Variants in TASOR2 observed in about 807,000 individuals in gnomAD.
The protein encoded by TASOR2 is protein TASOR 2.
Under a neutral mutation model 199.5 loss-of-function variants are expected in TASOR2, and 84 were observed. The ratio of observed to expected loss-of-function variants is 0.42; its 90% CI spans 0.35 to 0.50. The LOEUF (loss-of-function observed/expected upper bound fraction) is 0.50. TASOR2 is among the 20% of genes least tolerant of loss of function. The probability of loss-of-function intolerance (pLI) is 0.02; values close to 1 mark genes in which losing one functional copy is unlikely to be tolerated. For synonymous variants in TASOR2, 1,103 were observed against 1,046.6 expected, an observed-to-expected ratio of 1.05 and a Z score of -1.04; for missense variants, 2,796 against 2,835.9, an observed-to-expected ratio of 0.99 and a Z score of 0.32.
In TASOR2 at chr10:5,706,801, G is replaced by A. The variant is rs139930613; in HGVS notation, c.-287-6022G>A. Among the ~76,000 whole-genome samples, 59 of 152,158 alleles carry A rather than the reference G, an allele frequency of 3.9e-4. No individual in the cohort carries two copies. The South Asian group carries it at 4.0e-3, about 10-fold the overall frequency. On this transcript the variant is annotated intron_variant, in intron 1 of 20. Coordinates refer to ENST00000328090, the Ensembl canonical transcript of TASOR2. This position sits in a 1 kb window ranked among gnomAD's most constrained non-coding sequence, Gnocchi z 4.8. Reference sequence around the variant, plus strand: ...GCAGATCACTTGAGGCCAGGAGTTCGAGACCAACCTGGCTAACATGGTGAA... The same window carrying A: ...GCAGATCACTTGAGGCCAGGAGTTCAAGACCAACCTGGCTAACATGGTGAA...
In TASOR2 at chr10:5,690,966, G is replaced by A. The variant is rs1229495527; in HGVS notation, c.-288+5791G>A. 6.6e-6 allele frequency among the ~76,000 whole-genome samples: 1 copy of A among 152,118 alleles called. No individual in the cohort carries two copies. The highest frequency in any genetic ancestry group is 1.5e-5 in the Non-Finnish European group (1 of 68,030). On this transcript the variant is annotated intron_variant, in intron 1 of 20. Coordinates refer to ENST00000328090, the Ensembl canonical transcript of TASOR2. This position sits in a 1 kb window ranked among gnomAD's most constrained non-coding sequence, Gnocchi z 4.8. ...CCAGCACTTTGGGAGGCCGAGGTGG[G>A]TGGATCACAAGGTCAGGAGATCGAG...
chr10:5,739,844 C>G (rs780727552), exon 13 of TASOR2: 4 of 1,614,222 alleles, frequency 2.5e-6, no homozygotes, highest in South Asian at 1.1e-5. Context: ...GAAATCTTCA[C>G]TGTTCCTCTG....
chr10:5,715,334 A>G (rs558637446), intron 2 of TASOR2, among the ~76,000 whole-genome samples: 79 of 151,976 alleles, frequency 5.2e-4, no homozygotes, highest in African/African-American at 1.8e-3. Context: ...AGTCAATTTT[A>G]GACCATTTTT....
chr10:5,731,125 T>G lies in TASOR2; in HGVS notation c.1126T>G (p.Ser376Ala), dbSNP rs747933063. The change falls in exon 11 of 21, where the codon TCC (serine) becomes GCC (alanine). Residue 376 changes from serine (S) to alanine (A), a missense_variant. This residue lies in a region of TASOR2 where 847 missense variants were observed against 887.4 expected (regional missense o/e 0.95). Coordinates refer to ENST00000328090, the Ensembl canonical transcript of TASOR2. ...CCGCCCCTTTCCCAAAAGAACTGCT[T>G]CCAGAGCAGACAACAGCTCGGACTC... The G allele has an allele frequency of 3.1e-6, 5 of 1,612,702 alleles. No individual in the cohort carries two copies. The Admixed American group carries it at 8.3e-5, about 27-fold the overall frequency.
Position 5,740,605 on chromosome 10 carries a change from T to A in TASOR2, c.2327+108T>A. 4 of 1,209,082 alleles carry A rather than the reference T, an allele frequency of 3.3e-6. No homozygotes were observed. The highest frequency in any genetic ancestry group is 4.6e-6 in the Non-Finnish European group (4 of 873,274). 74.9% of individuals were successfully genotyped at this position (1,209,082 alleles called of 1,614,324 possible). A position where few individuals can be genotyped will look rare whatever the true frequency, so the allele number is the denominator to read the frequency against. On this transcript the variant is annotated intron_variant, in intron 13 of 20. Transcript: ENST00000328090. The surrounding 1 kb of genome is among the most constrained non-coding windows in gnomAD (Gnocchi z 5.3). Reference sequence around the variant, plus strand: ...ACTCTGGAGAAGGAGAAAGAAGTGTTGTGTTTAAAACCAGTAATTTGATAA... The same window carrying A: ...ACTCTGGAGAAGGAGAAAGAAGTGTAGTGTTTAAAACCAGTAATTTGATAA...
chr10:5,753,285 C>T (rs1373435272), intron 15 of TASOR2, among the ~76,000 whole-genome samples: 3 of 152,174 alleles, frequency 2.0e-5, no homozygotes, highest in Non-Finnish European at 4.4e-5. Context: ...TTTCTTCAAA[C>T]TTGTGGAAGC....
At chr10:5,695,310 A>G (rs1194791632) in intron 1 of TASOR2, among the ~76,000 whole-genome samples, 1 of 152,262 alleles carries the variant, frequency 6.6e-6, no homozygotes, top group East Asian at 1.9e-4. Context: ...ATGTAATTAT[A>G]AATCATGCAA....
chr10:5,736,345 G>T (rs573487163), intron 12 of TASOR2, among the ~76,000 whole-genome samples: 3 of 152,048 alleles, frequency 2.0e-5, no homozygotes, highest in Non-Finnish European at 4.4e-5. Flanking sequence ...TTGAACCTGG[G>T]GGGCAGAGGT....
At position 5,685,979 on chromosome 10, in the gene TASOR2, A is replaced by C. The variant is rs1835766113; in HGVS notation, c.-288+804A>C. Among the ~76,000 whole-genome samples the C allele has an allele frequency of 6.6e-6, 1 of 152,216 alleles. No individual in the cohort carries two copies. Among genetic ancestry groups the C allele is most frequent in the South Asian group, 2.1e-4 (1 of 4,830 alleles). ...TGGCATTCGCGATCCTAGAGTCTACAGTGTTCCCTGAATAAAACTAGGGGT... is the reference window on the plus strand; with the variant it reads ...TGGCATTCGCGATCCTAGAGTCTACCGTGTTCCCTGAATAAAACTAGGGGT... On this transcript the variant is annotated intron_variant, in intron 1 of 20. Transcript: ENST00000328090. The surrounding 1 kb of genome is among the most constrained non-coding windows in gnomAD (Gnocchi z 5.4).
At chr10:5,712,781 T>A (rs2131550515) in intron 1 of TASOR2, 42 bp from the exon 2 acceptor site, 1 of 1,028,480 alleles carries the variant, frequency 9.7e-7, no homozygotes. Flanking sequence ...GACAAAATAG[T>A]ATGTTTATAG....
intron 15 of TASOR2, among the ~76,000 whole-genome samples, chr10:5,755,851 GC>G (rs1382732446): frequency 6.6e-6 from 1 of 152,020 alleles, no homozygotes; most frequent in Non-Finnish European, 1.5e-5. Flanking sequence ...AAAAAGCCGG[GC>G]CCAGTGATGT....
intron 11 of TASOR2, among the ~76,000 whole-genome samples, chr10:5,733,401 G>C (rs1835124190): frequency 6.6e-6 from 1 of 152,142 alleles, no homozygotes; most frequent in South Asian, 2.1e-4. Flanking sequence ...CCAGCAACTT[G>C]GGAGGCTGAG....
Position 5,720,345 on chromosome 10 carries a change from C to T in TASOR2, c.-99-199C>T. 1.0e-6 allele frequency: 1 copy of T among 985,378 alleles called. No homozygotes were observed. Among genetic ancestry groups the T allele is most frequent in the Non-Finnish European group, 1.2e-6 (1 of 829,902 alleles). The allele number at this position is 985,378 out of a possible 1,614,324, so 61.0% of individuals were successfully genotyped here. A position where few individuals can be genotyped will look rare whatever the true frequency, so the allele number is the denominator to read the frequency against. On this transcript the variant is annotated intron_variant, in intron 3 of 20. Transcript: ENST00000328090. The surrounding 1 kb of genome is among the most constrained non-coding windows in gnomAD (Gnocchi z 5.3). Reference sequence around the variant, plus strand: ...TATGATTGCCACGTGTCTGAAAATACTAACAAGGTTTCTAACAAGACGAGT... The same window carrying T: ...TATGATTGCCACGTGTCTGAAAATATTAACAAGGTTTCTAACAAGACGAGT...
Position 5,748,250 on chromosome 10 carries a change from G to T in TASOR2, c.4829G>T (p.Ser1610Ile), listed in dbSNP as rs1387157068. Reference sequence around the variant, plus strand: ...AATGTGTCAGTAAAACAGCAGACTAGCCCTAAAAGCAGTCAGAACCATCTC... The same window carrying T: ...AATGTGTCAGTAAAACAGCAGACTATCCCTAAAAGCAGTCAGAACCATCTC... Residue 1610 changes from serine (S) to isoleucine (I), a missense_variant, in exon 15 of 21, where the codon AGC becomes ATC. Around this residue, in one of 3 missense-constraint regions of TASOR2, gnomAD observed 1,941 missense variants for 1,924.9 expected, o/e 1.01. Transcript: ENST00000328090. The surrounding 1 kb of genome is among the most constrained non-coding windows in gnomAD (Gnocchi z 5.1). 1 of 1,614,166 alleles carries T rather than the reference G, an allele frequency of 6.2e-7. No homozygotes were observed. The highest frequency in any genetic ancestry group is 2.2e-5 in the East Asian group (1 of 44,886).
At chr10:5,692,140 A>G (rs1564243859) in intron 1 of TASOR2, among the ~76,000 whole-genome samples, 1 of 83,296 alleles carries the variant, frequency 1.2e-5, no homozygotes, top group East Asian at 3.1e-4. Flanking sequence ...GTGCCACTGC[A>G]CTCTGTCTCA....
chr10:5,732,928 G>A (rs1419691401), intron 11 of TASOR2, among the ~76,000 whole-genome samples: 1 of 152,160 alleles, frequency 6.6e-6, no homozygotes, highest in Non-Finnish European at 1.5e-5. Context: ...AGGAGGGTAA[G>A]TGGAAAGTAT....
chr10:5,721,442 G>T (rs1169353868), intron 6 of TASOR2, among the ~76,000 whole-genome samples: 1 of 152,030 alleles, frequency 6.6e-6, no homozygotes, highest in Non-Finnish European at 1.5e-5. Flanking sequence ...AATCTTTTTG[G>T]TTCATCCTGT....
intron 14 of TASOR2, among the ~76,000 whole-genome samples, chr10:5,745,962 A>G (rs1837131070): frequency 6.6e-6 from 1 of 152,292 alleles, no homozygotes; most frequent in Admixed American, 6.5e-5. Context: ...GTGGTTTTAA[A>G]GAAAACAAAT....
intron 1 of TASOR2, among the ~76,000 whole-genome samples, chr10:5,704,899 T>C (rs1362317550): frequency 6.6e-6 from 1 of 152,228 alleles, no homozygotes; most frequent in African/African-American, 2.4e-5. Flanking sequence ...TTTACTTGAT[T>C]TTGGTCAGAG....
Sources: allele counts gnomAD v4.1 joint callset (sites outside exome capture counted in the v4.1 genomes callset), GRCh38; gene constraint gnomAD v4.1.1; regional missense constraint gnomAD v4.1.1; non-coding constraint Gnocchi (gnomAD v3.1); transcripts MANE v1.5; gene names NCBI Gene and HGNC (gene_info 2026-07-23, HGNC 2026-07-21).